TMEM108: variants seen among roughly 807,000 people sequenced by gnomAD.
The protein encoded by TMEM108 is transmembrane protein 108.
Under a neutral mutation model 35.1 loss-of-function variants are expected in TMEM108, and 12 were observed. That is an observed-to-expected ratio of 0.34 (90% confidence interval 0.22 to 0.55). The LOEUF (loss-of-function observed/expected upper bound fraction) is 0.55. Among genes scored for constraint, TMEM108 ranks in the 20% least tolerant of loss-of-function variants. The pLI is 0.89. For synonymous variants in TMEM108, 287 were observed against 308.6 expected (o/e 0.93, Z 0.73); for missense variants, 680 against 753.3 (o/e 0.90, Z 1.14).
intron 3 of TMEM108, among the ~76,000 whole-genome samples, chr3:133,277,682 T>C (rs1946856966): frequency 6.6e-6 from 1 of 152,244 alleles, no homozygotes; most frequent in Admixed American, 6.5e-5. Context: ...CTTAGTTTCC[T>C]AATCTGTAAA....
rs575567909 is a variant in TMEM108 at position 133,133,617 on chromosome 3, A to G, written c.-47+87597A>G. Among the ~76,000 whole-genome samples, 22 of 151,808 alleles carry G rather than the reference A, an allele frequency of 1.4e-4. 1 individual carries two copies. Among genetic ancestry groups the G allele is most frequent in the Admixed American group, 5.9e-4 (9 of 15,246 alleles). Reference sequence around the variant, plus strand: ...TCTGTGCCTGGCCTATTCACTTAACATAATGCCCTCCATGTTCATGTTCAT... The same window carrying G: ...TCTGTGCCTGGCCTATTCACTTAACGTAATGCCCTCCATGTTCATGTTCAT... On this transcript the variant is annotated intron_variant, in intron 2 of 5. Transcript: ENST00000321871.
At chr3:133,375,095 A>C (rs1013286089) in intron 3 of TMEM108, among the ~76,000 whole-genome samples, 1 of 152,250 alleles carries the variant, frequency 6.6e-6, no homozygotes, top group African/African-American at 2.4e-5. Context: ...TGTGAGAATT[A>C]AATATGTCAG....
intron 2 of TMEM108, among the ~76,000 whole-genome samples, chr3:133,087,610 G>A (rs1227968999): frequency 6.6e-6 from 1 of 152,312 alleles, no homozygotes; most frequent in East Asian, 1.9e-4. Flanking sequence ...GGAAGTTTCT[G>A]ACATTAAGAT....
intron 2 of TMEM108, among the ~76,000 whole-genome samples, chr3:133,220,947 A>C (rs568290196): frequency 1.3e-5 from 2 of 152,334 alleles, no homozygotes; most frequent in East Asian, 3.9e-4. Context: ...TTTATTAATA[A>C]ATGAAATAAT....
intron 3 of TMEM108, among the ~76,000 whole-genome samples, chr3:133,335,068 T>C (rs1559908918): frequency 6.6e-6 from 1 of 152,122 alleles, no homozygotes; most frequent in Non-Finnish European, 1.5e-5. Context: ...TAGCAGTACA[T>C]ATACTTTAAA....
intron 3 of TMEM108, among the ~76,000 whole-genome samples, chr3:133,358,590 G>A (rs893301189): frequency 1.3e-5 from 2 of 152,162 alleles, no homozygotes; most frequent in African/African-American, 4.8e-5. Flanking sequence ...GCTCCAGGTG[G>A]ACTCTCTGGG....
At position 133,145,693 on chromosome 3, in the gene TMEM108, T is replaced by C. The variant is rs573457504; in HGVS notation, c.-46-83573T>C. ...AGAGGTCCTTCACATCCCTTGTAAG[T>C]TGTATTCCTAGGTATTTTATTCTCT... On this transcript the variant is annotated intron_variant, in intron 2 of 5. Coordinates refer to ENST00000321871, the MANE Select transcript of TMEM108 (RefSeq NM_023943.4). 6.6e-5 allele frequency among the ~76,000 whole-genome samples: 10 copies of C among 152,336 alleles called. No homozygotes were observed. In the East Asian group the frequency reaches 1.7e-3, roughly 26 times the overall value.
intron 2 of TMEM108, among the ~76,000 whole-genome samples, chr3:133,135,933 G>A (rs1196211164): frequency 2.0e-5 from 3 of 152,158 alleles, no homozygotes; most frequent in Non-Finnish European, 2.9e-5. Flanking sequence ...AGGACAAATG[G>A]TGCGTTGGTT....
intron 2 of TMEM108, among the ~76,000 whole-genome samples, chr3:133,123,332 A>G (rs1303380265): frequency 6.6e-6 from 1 of 152,220 alleles, no homozygotes; most frequent in Non-Finnish European, 1.5e-5. Context: ...TTTTGTAAGT[A>G]TATTTGTAGG....
chr3:133,389,630 G>A (rs2073202508), intron 4 of TMEM108: 1 of 148,140 alleles, frequency 6.8e-6, no homozygotes, highest in African/African-American at 2.5e-5. Flanking sequence ...AGGTTGCAGT[G>A]AGCCAAGATT....
intron 2 of TMEM108, among the ~76,000 whole-genome samples, chr3:133,137,485 T>G (rs922052240): frequency 7.9e-5 from 12 of 152,318 alleles, no homozygotes; most frequent in African/African-American, 2.9e-4. Flanking sequence ...CCAGATGCTG[T>G]CTTCAAGTAA....
At chr3:133,044,788 T>A (rs761832258) in intron 1 of TMEM108, among the ~76,000 whole-genome samples, 1 of 152,140 alleles carries the variant, frequency 6.6e-6, no homozygotes, top group Non-Finnish European at 1.5e-5. Flanking sequence ...ACTCCATCAC[T>A]ATATACATTT....
intron 2 of TMEM108, among the ~76,000 whole-genome samples, chr3:133,199,136 A>G (rs1199572812): frequency 6.6e-6 from 1 of 152,150 alleles, no homozygotes. Context: ...TTTCAGCTCC[A>G]TCAGGTCCCT....
chr3:133,327,840 A>G (rs988983420), intron 3 of TMEM108, among the ~76,000 whole-genome samples: 3 of 152,136 alleles, frequency 2.0e-5, no homozygotes, highest in African/African-American at 7.2e-5. Context: ...TGTGAAAAGC[A>G]GCGGTGAAAT....
intron 1 of TMEM108, among the ~76,000 whole-genome samples, chr3:133,043,849 A>C (rs1943304215): frequency 6.6e-6 from 1 of 152,094 alleles, no homozygotes; most frequent in Non-Finnish European, 1.5e-5. Context: ...TTGGCTAATT[A>C]TTTTCCTTTT....
chr3:133,100,075 A>G (rs1284058728), intron 2 of TMEM108, among the ~76,000 whole-genome samples: 2 of 152,356 alleles, frequency 1.3e-5, no homozygotes, highest in African/African-American at 4.8e-5. Flanking sequence ...ACAGTTTCAC[A>G]TGGCTGAGAA....
chr3:133,161,401 C>T (rs992609537), intron 2 of TMEM108, among the ~76,000 whole-genome samples: 15 of 152,150 alleles, frequency 9.9e-5, no homozygotes, highest in Non-Finnish European at 1.5e-5. Flanking sequence ...TCTGTACTCT[C>T]CTTAGAAAAT....
chr3:133,351,816 C>T (rs2072009033), intron 3 of TMEM108, among the ~76,000 whole-genome samples: 1 of 152,170 alleles, frequency 6.6e-6, no homozygotes, highest in Admixed American at 6.5e-5. Flanking sequence ...CATCACTCTC[C>T]CTACCACCTC....
chr3:133,209,208 A>ATTT lies in TMEM108; in HGVS notation c.-46-20044_-46-20042dup, dbSNP rs10685541. ...AGACACAGGCCACCACACCTGGCTA[A>ATTT]TTTTTTTTTTTTTTTTAAGGAATGG... is the stretch of plus-strand genomic sequence containing the variant. On this transcript the variant is annotated intron_variant, in intron 2 of 5. Transcript: ENST00000321871. Among the ~76,000 whole-genome samples, 94 of 144,594 alleles carry ATTT rather than the reference A, an allele frequency of 6.5e-4. 1 individual carries two copies. The highest frequency in any genetic ancestry group is 2.0e-3 in the South Asian group (9 of 4,458). The allele number at this position is 144,594 out of a possible 152,430, so 94.9% of individuals were successfully genotyped here.
Sources: gnomAD v4.1 joint callset for allele counts (sites outside exome capture counted in the v4.1 genomes callset) on GRCh38, gnomAD v4.1.1 for gene constraint, MANE v1.5 for transcripts, NCBI Gene and HGNC (gene_info 2026-07-23, HGNC 2026-07-21) for gene names.